COMMD1: variants seen among roughly 807,000 people sequenced by gnomAD.
COMMD1 encodes COMM domain-containing protein 1.
In COMMD1, 10 loss-of-function variants were observed where a neutral mutation model predicts 17.2. The ratio of observed to expected loss-of-function variants is 0.58; its 90% CI spans 0.36 to 0.99. The LOEUF is 0.99. Among genes scored for constraint, COMMD1 ranks in the 50% least tolerant of loss-of-function variants. COMMD1 has a pLI of 0.01. For missense variants in COMMD1, 270 were observed against 231.8 expected, an observed-to-expected ratio of 1.17 and a Z score of -1.07; for synonymous variants, 97 against 91.6, an observed-to-expected ratio of 1.06 and a Z score of -0.34.
Position 62,036,957 on chromosome 2 carries a change from T to A in COMMD1, c.462+35975T>A, listed in dbSNP as rs551670623. 9.7e-4 allele frequency among the ~76,000 whole-genome samples: 148 copies of A among 152,304 alleles called. 2 individuals carry two copies. The highest frequency in any genetic ancestry group is 3.2e-3 in the African/African-American group (135 of 41,560). Reference sequence around the variant, plus strand: ...ATATATAGTGGTTTATTGGGGTGATTGGGGACAATGAGTTTTTGTTGTACC... The same window carrying A: ...ATATATAGTGGTTTATTGGGGTGATAGGGGACAATGAGTTTTTGTTGTACC... On this transcript the variant is annotated intron_variant, in intron 2 of 2. Transcript: ENST00000311832.
intron 1 of COMMD1, among the ~76,000 whole-genome samples, chr2:61,959,658 C>T (rs1042316745): frequency 6.6e-6 from 1 of 152,090 alleles, no homozygotes; most frequent in Non-Finnish European, 1.5e-5. Context: ...GACATATTAC[C>T]CATAATCCAC....
chr2:61,930,280 G>T (rs1055737723), intron 1 of COMMD1, among the ~76,000 whole-genome samples: 1 of 152,088 alleles, frequency 6.6e-6, no homozygotes, highest in Non-Finnish European at 1.5e-5. Flanking sequence ...TTCTAAGGCC[G>T]GTCATGGTGG....
intron 1 of COMMD1, among the ~76,000 whole-genome samples, chr2:61,917,216 G>A (rs1250150275): frequency 6.6e-6 from 1 of 152,006 alleles, no homozygotes; most frequent in African/African-American, 2.4e-5. Context: ...AATTAGCCGG[G>A]TATGGTAGCG....
At chr2:61,934,058 C>T (rs1443282496) in intron 1 of COMMD1, among the ~76,000 whole-genome samples, 3 of 152,168 alleles carry the variant, frequency 2.0e-5, no homozygotes, top group Admixed American at 1.3e-4. Context: ...AGCCACTACG[C>T]CCGGCCTTTC....
intron 2 of COMMD1, among the ~76,000 whole-genome samples, chr2:62,102,708 A>T (rs1380873086): frequency 2.6e-5 from 4 of 152,208 alleles, no homozygotes; most frequent in African/African-American, 9.6e-5. Context: ...AGCCAGGCAT[A>T]AAACCTAAGA....
At chr2:61,984,413 C>T (rs963084732) in intron 1 of COMMD1, among the ~76,000 whole-genome samples, 1 of 152,112 alleles carries the variant, frequency 6.6e-6, no homozygotes, top group Non-Finnish European at 1.5e-5. Flanking sequence ...ATTACAGTAC[C>T]GTATTGGTCA....
intron 2 of COMMD1, among the ~76,000 whole-genome samples, chr2:62,030,463 A>C (rs931526882): frequency 6.6e-6 from 1 of 152,150 alleles, no homozygotes; most frequent in Non-Finnish European, 1.5e-5. Flanking sequence ...GCAGCATCGC[A>C]GGTCTCTAGC....
chr2:62,127,579 T>C (rs1672918340), intron 2 of COMMD1, among the ~76,000 whole-genome samples: 1 of 152,164 alleles, frequency 6.6e-6, no homozygotes, highest in Non-Finnish European at 1.5e-5. Context: ...ACTGCACATC[T>C]ACAACCATCT....
At chr2:61,911,718 A>G (rs1375477854) in intron 1 of COMMD1, among the ~76,000 whole-genome samples, 1 of 152,184 alleles carries the variant, frequency 6.6e-6, no homozygotes, top group Non-Finnish European at 1.5e-5. Context: ...TGTCCTCTGC[A>G]TAGGTACCAG....
intron 1 of COMMD1, chr2:61,888,915 T>C (rs1211664194): frequency 7.3e-6 from 1 of 137,472 alleles, no homozygotes; most frequent in Non-Finnish European, 1.5e-5. Flanking sequence ...TTTTTTTTTT[T>C]CTTTTTTTGG....
At chr2:61,890,584 T>TA (rs1478211104) in intron 1 of COMMD1, among the ~76,000 whole-genome samples, 10 of 152,062 alleles carry the variant, frequency 6.6e-5, no homozygotes, top group African/African-American at 2.4e-4. Flanking sequence ...CTCACGCCTG[T>TA]AATCCCAGCA....
At chr2:62,051,673 A>G (rs146396094) in intron 2 of COMMD1, among the ~76,000 whole-genome samples, 2,134 of 152,304 alleles carry the variant, frequency 0.014, 21 homozygotes, top group Non-Finnish European at 0.019. Flanking sequence ...TGACTCTTTC[A>G]GGAATGAATT....
chr2:61,940,389 G>T (rs1259549780), intron 1 of COMMD1, among the ~76,000 whole-genome samples: 5 of 152,264 alleles, frequency 3.3e-5, no homozygotes, highest in Non-Finnish European at 7.3e-5. Flanking sequence ...TAAAGTCTGT[G>T]TAAACATCTC....
intron 1 of COMMD1, among the ~76,000 whole-genome samples, chr2:61,910,033 A>G (rs1669864490): frequency 6.6e-6 from 1 of 152,114 alleles, no homozygotes; most frequent in Non-Finnish European, 1.5e-5. Context: ...GACCCTCTCT[A>G]GCTTTGCCTG....
intron 2 of COMMD1, among the ~76,000 whole-genome samples, chr2:62,009,920 A>G (rs1447649093): frequency 6.6e-6 from 1 of 152,162 alleles, no homozygotes; most frequent in Non-Finnish European, 1.5e-5. Flanking sequence ...CTAGTGAAAT[A>G]AAAATGTAAG....
chr2:61,984,030 T>C (rs1426520722), intron 1 of COMMD1, among the ~76,000 whole-genome samples: 1 of 152,228 alleles, frequency 6.6e-6, no homozygotes, highest in Non-Finnish European at 1.5e-5. Context: ...TTTGTTGTTG[T>C]TGCTGTTGTT....
chr2:61,901,101 C>T (rs566383866), upstream of COMMD1, among the ~76,000 whole-genome samples: 123 of 151,990 alleles, frequency 8.1e-4, no homozygotes, highest in Admixed American at 7.0e-3. Context: ...CACCTGCCAC[C>T]GCACCCAGCT....
At chr2:62,104,075 G>A (rs1013491731) in intron 2 of COMMD1, among the ~76,000 whole-genome samples, 2 of 151,950 alleles carry the variant, frequency 1.3e-5, no homozygotes, top group Non-Finnish European at 2.9e-5. Context: ...TCCTAAGCTC[G>A]AGGGATCCAC....
intron 1 of COMMD1, among the ~76,000 whole-genome samples, chr2:61,989,463 A>ATTT (rs1238326375): frequency 2.9e-5 from 4 of 137,348 alleles, no homozygotes; most frequent in Non-Finnish European, 3.2e-5. Context: ...GCAAATATTG[A>ATTT]TTTTTTTTTT....
Sources: allele counts gnomAD v4.1 joint callset (sites outside exome capture counted in the v4.1 genomes callset), GRCh38; gene constraint gnomAD v4.1.1; transcripts MANE v1.5; gene names NCBI Gene and HGNC (gene_info 2026-07-23, HGNC 2026-07-21).